CMKLR2: variants seen among roughly 807,000 people sequenced by gnomAD.
CMKLR2 encodes the protein chemerin-like receptor 2.
Under a neutral mutation model 23.0 loss-of-function variants are expected in CMKLR2, and 18 were observed. The observed-to-expected ratio is 0.78, with a 90% confidence interval of 0.54 to 1.16. The LOEUF (loss-of-function observed/expected upper bound fraction) is 1.16, where lower values mean the gene tolerates loss of function less well. Among genes scored for constraint, CMKLR2 ranks in the 50% most tolerant of loss-of-function variants. The pLI is 0.00. For missense variants in CMKLR2, 401 were observed against 412.7 expected (o/e 0.97, Z 0.25); for synonymous variants, 158 against 158.9 (o/e 0.99, Z 0.05).
chr2:206,213,976 C>G (rs1418497906), upstream of CMKLR2, among the ~76,000 whole-genome samples: 1 of 151,856 alleles, frequency 6.6e-6, no homozygotes, highest in Admixed American at 6.6e-5. Context: ...GCCTCAGCCT[C>G]TGGAGTAGCT....
chr2:206,191,690 C>T (rs1283670324), intron 1 of CMKLR2, among the ~76,000 whole-genome samples: 1 of 140,300 alleles, frequency 7.1e-6, no homozygotes, highest in African/African-American at 2.7e-5. Flanking sequence ...TTTTTTTAGA[C>T]AGGGTCTGGC....
chr2:206,192,203 C>T (rs1688772638), intron 1 of CMKLR2, among the ~76,000 whole-genome samples: 1 of 151,480 alleles, frequency 6.6e-6, no homozygotes, highest in Admixed American at 6.6e-5. Flanking sequence ...TGGTCTCGAA[C>T]TCCTGATTTC....
chr2:206,176,806 G>A lies in CMKLR2; in HGVS notation c.442C>T (p.His148Tyr), dbSNP rs760747839. 1 of 1,614,122 alleles carries A rather than the reference G, an allele frequency of 6.2e-7. No individual in the cohort carries two copies. The highest frequency in any genetic ancestry group is 1.3e-5 in the African/African-American group (1 of 75,032). ...HLIHPVLSHR[H>Y]RTLKNSLIVI... Reference sequence around the variant, plus strand: ...ATCAGAGAGTTCTTGAGGGTTCGATGCCGATGAGATAAGACAGGATGGATC... The same window carrying A: ...ATCAGAGAGTTCTTGAGGGTTCGATACCGATGAGATAAGACAGGATGGATC... Residue 148 changes from histidine to tyrosine, a missense_variant, in exon 2 of 2, where the codon CAT becomes TAT. By Grantham distance (83) the His-to-Tyr change is moderately conservative. Transcript: ENST00000621141.
At chr2:206,197,530 C>T (rs1250504432) in intron 1 of CMKLR2, among the ~76,000 whole-genome samples, 3 of 152,112 alleles carry the variant, frequency 2.0e-5, no homozygotes, top group African/African-American at 7.2e-5. Context: ...CCAACTAAAC[C>T]CCTTTGTAGG....
intron 1 of CMKLR2, among the ~76,000 whole-genome samples, chr2:206,208,094 A>G (rs1242032797): frequency 6.6e-6 from 1 of 152,064 alleles, no homozygotes; most frequent in Non-Finnish European, 1.5e-5. Context: ...ATAATCTGTT[A>G]AGGTGCTCAT....
rs116604661 is a variant in CMKLR2 at position 206,186,095 on chromosome 2, C to T, written c.-28-8820G>A. ...TTTGGGCTATTTTTTTCTCACAAAA[C>T]CGTGTGGGTCTGTGGAATGGGCTTT... On this transcript the variant is annotated intron_variant, in intron 1 of 1. Coordinates refer to ENST00000621141, the MANE Select transcript of CMKLR2 (RefSeq NM_001389445.1). Among the ~76,000 whole-genome samples the T allele has an allele frequency of 1.8e-3, 269 of 148,674 alleles. 1 individual carries two copies. Among genetic ancestry groups the T allele is most frequent in the African/African-American group, 6.4e-3 (260 of 40,512 alleles).
At chr2:206,178,615 AT>A (rs1315532232) in intron 1 of CMKLR2, among the ~76,000 whole-genome samples, 9 of 151,598 alleles carry the variant, frequency 5.9e-5, no homozygotes, top group Middle Eastern at 3.4e-3. Context: ...CAAAGATTAG[AT>A]TTTTTTTTGA....
chr2:206,202,632 G>C (rs868489118), intron 1 of CMKLR2, among the ~76,000 whole-genome samples: 6 of 149,700 alleles, frequency 4.0e-5, no homozygotes, highest in South Asian at 2.2e-4. Flanking sequence ...CACTAACCTG[G>C]TTAAGGCTGG....
intron 1 of CMKLR2, among the ~76,000 whole-genome samples, chr2:206,207,604 C>T (rs188080471): frequency 6.6e-6 from 1 of 152,082 alleles, no homozygotes; most frequent in Admixed American, 6.5e-5. Flanking sequence ...TGCATTGTCA[C>T]ATTTAACTCT....
At chr2:206,198,869 T>G (rs928993921) in intron 1 of CMKLR2, among the ~76,000 whole-genome samples, 4 of 152,182 alleles carry the variant, frequency 2.6e-5, no homozygotes, top group African/African-American at 9.7e-5. Flanking sequence ...TTTCTGTCCA[T>G]CTAAAGATGC....
chr2:206,180,108 T>C (rs1688363739), intron 1 of CMKLR2, among the ~76,000 whole-genome samples: 1 of 151,960 alleles, frequency 6.6e-6, no homozygotes, highest in South Asian at 2.1e-4. Flanking sequence ...CAGATAATTA[T>C]AATAATTATT....
At chr2:206,209,647 C>CTTTTT (rs71034424) in intron 1 of CMKLR2, among the ~76,000 whole-genome samples, 3 of 134,852 alleles carry the variant, frequency 2.2e-5, no homozygotes, top group Admixed American at 1.5e-4. Context: ...TCTTTTCTTT[C>CTTTTT]TTTTTTTTTT....
intron 1 of CMKLR2, among the ~76,000 whole-genome samples, chr2:206,197,701 A>AT (rs1006101190): frequency 5.9e-5 from 9 of 151,800 alleles, no homozygotes; most frequent in East Asian, 5.8e-4. Flanking sequence ...TAATTATAAA[A>AT]TTTTTTTTGT....
At chr2:206,184,127 C>T (rs1263614346) in intron 1 of CMKLR2, among the ~76,000 whole-genome samples, 1 of 152,176 alleles carries the variant, frequency 6.6e-6, no homozygotes, top group African/African-American at 2.4e-5. Flanking sequence ...TTGGCTTGTA[C>T]ATGTGTTACG....
chr2:206,212,134 A>G (rs897858398), intron 1 of CMKLR2, among the ~76,000 whole-genome samples: 3 of 152,032 alleles, frequency 2.0e-5, no homozygotes, highest in African/African-American at 4.8e-5. Context: ...TTTCTACTTC[A>G]TTTATTTTTT....
intron 1 of CMKLR2, among the ~76,000 whole-genome samples, chr2:206,211,410 C>T (rs753014909): frequency 5.3e-5 from 8 of 151,862 alleles, no homozygotes; most frequent in Non-Finnish European, 8.8e-5. Context: ...CCGCAGCCTC[C>T]GCCTCCCGGG....
chr2:206,202,658 T>C (rs1053229979), intron 1 of CMKLR2, among the ~76,000 whole-genome samples: 2 of 152,070 alleles, frequency 1.3e-5, no homozygotes, highest in Non-Finnish European at 2.9e-5. Flanking sequence ...GTCATAGCTA[T>C]TCGCCCAGGG....
At chr2:206,215,767 A>C (rs536774313), upstream of CMKLR2, among the ~76,000 whole-genome samples, 87 of 152,342 alleles carry the variant, frequency 5.7e-4, no homozygotes, top group African/African-American at 1.8e-3. Context: ...GCTCAGGTGT[A>C]CTAGAGATAA....
intron 1 of CMKLR2, among the ~76,000 whole-genome samples, chr2:206,206,639 T>C (rs1345554611): frequency 1.3e-5 from 2 of 152,186 alleles, no homozygotes; most frequent in East Asian, 1.9e-4. Flanking sequence ...TTACTACATA[T>C]GTGGAGGCTT....
Sources: allele counts gnomAD v4.1 joint callset (sites outside exome capture counted in the v4.1 genomes callset), GRCh38; gene constraint gnomAD v4.1.1; transcripts MANE v1.5; gene names NCBI Gene and HGNC (gene_info 2026-07-23, HGNC 2026-07-21).